NFIC: variants seen among roughly 807,000 people sequenced by gnomAD.
NFIC encodes the protein nuclear factor I C.
In NFIC, 12 loss-of-function variants were observed where a neutral mutation model predicts 54.4. The observed-to-expected ratio is 0.22, with a 90% CI of 0.14 to 0.36. NFIC has a LOEUF of 0.36. Ranked by LOEUF, NFIC falls within the 10% of genes least tolerant of loss-of-function variation. NFIC has a pLI of 1.00. For missense variants in NFIC, 575 were observed against 718.2 expected, an observed-to-expected ratio of 0.80 and a Z score of 2.28; for synonymous variants, 322 against 319.2, an observed-to-expected ratio of 1.01 and a Z score of -0.09.
chr19:3,373,744 C>T (rs1017254410), intron 1 of NFIC, among the ~76,000 whole-genome samples: 23 of 152,076 alleles, frequency 1.5e-4, no homozygotes, highest in Middle Eastern at 6.8e-3. Flanking sequence ...TTTAACCATC[C>T]GTCCCTGCCC....
At chr19:3,435,019 G>C (rs1239389700) in intron 5 of NFIC, 64 bp from the exon 6 acceptor site, 3 of 1,485,066 alleles carry the variant, frequency 2.0e-6, no homozygotes, top group South Asian at 1.3e-5. Context: ...AGCAAAGCCC[G>C]CCGTCGCGCC....
In NFIC at chr19:3,403,393, C is replaced by T. The variant is rs369805949; in HGVS notation, c.562+21150C>T. The stretch of plus-strand genomic sequence containing the variant: ...TCCTCTCTCGGATCTTCCGTTTCCC[C>T]CTTTGTAAAGCAGAACACTCCACAA... On this transcript the variant is annotated intron_variant, in intron 2 of 10. Transcript: ENST00000443272. Among the ~76,000 whole-genome samples the T allele has an allele frequency of 3.3e-5, 5 of 152,314 alleles. No homozygotes were observed. The South Asian group carries it at 1.0e-3, about 32-fold the overall frequency.
rs1016039660 is a variant in NFIC, at chr19:3,380,620, C to T, written c.31-1092C>T. Among the ~76,000 whole-genome samples the T allele has an allele frequency of 7.3e-5, 10 of 137,212 alleles. 1 individual carries two copies. The highest frequency in any genetic ancestry group is 2.2e-4 in the African/African-American group (8 of 35,784). The allele number at this position is 137,212 out of a possible 152,430, so 90.0% of individuals were successfully genotyped here. ...CTGGGATTACAGGTGTGAGCCACTG[C>T]GCCCAGGCTTTTTTTTTTTTTTTTT... On this transcript the variant is annotated intron_variant, in intron 1 of 10. Coordinates refer to ENST00000443272, the MANE Select transcript of NFIC (RefSeq NM_001245002.2).
chr19:3,366,372 T>TAG (rs1300352158), upstream of NFIC, among the ~76,000 whole-genome samples: 8 of 135,104 alleles, frequency 5.9e-5, no homozygotes, highest in Admixed American at 1.5e-4. Context: ...TGTCAGAGGG[T>TAG]AGAGAGAGAG....
chr19:3,428,523 G>A (rs1432801949), intron 3 of NFIC, among the ~76,000 whole-genome samples: 2 of 151,888 alleles, frequency 1.3e-5, no homozygotes, highest in African/African-American at 2.4e-5. Context: ...TGGAAGGACC[G>A]GAACAGGCAT....
intron 2 of NFIC, among the ~76,000 whole-genome samples, chr19:3,384,831 A>C (rs575330622): frequency 3.2e-4 from 49 of 151,670 alleles, no homozygotes; most frequent in African/African-American, 1.1e-3. Flanking sequence ...GGGCCGGGTG[A>C]CTGCCTGTTG....
intron 9 of NFIC, among the ~76,000 whole-genome samples, chr19:3,454,667 C>T (rs1384567894): frequency 2.0e-5 from 3 of 151,664 alleles, no homozygotes; most frequent in Admixed American, 6.6e-5. Context: ...CCTCACAGGG[C>T]GCCAGACATC....
At chr19:3,388,113 G>T (rs920057086) in intron 2 of NFIC, among the ~76,000 whole-genome samples, 1 of 152,166 alleles carries the variant, frequency 6.6e-6, no homozygotes, top group East Asian at 1.9e-4. Context: ...CCCGCCTTGC[G>T]TCGTGCCAAG....
intron 3 of NFIC, among the ~76,000 whole-genome samples, chr19:3,426,723 C>T (rs565415250): frequency 2.6e-5 from 4 of 152,158 alleles, no homozygotes; most frequent in Non-Finnish European, 4.4e-5. Flanking sequence ...CCCAGCCACA[C>T]AGACCTCCTC....
intron 3 of NFIC, among the ~76,000 whole-genome samples, chr19:3,433,188 G>T (rs1211887194): frequency 6.6e-6 from 1 of 151,188 alleles, no homozygotes; most frequent in Non-Finnish European, 1.5e-5. Context: ...TGGTCTTGAA[G>T]TCCTGAGCTC....
At chr19:3,365,532 C>T (rs1398857934), upstream of NFIC, among the ~76,000 whole-genome samples, 2 of 152,154 alleles carry the variant, frequency 1.3e-5, no homozygotes, top group East Asian at 1.9e-4. Context: ...CAGACGGAGG[C>T]AGGCCAGGTC....
At chr19:3,359,681 C>G (rs1193872742) in exon 1 of NFIC, 5 of 1,424,462 alleles carry the variant, frequency 3.5e-6, no homozygotes, top group East Asian at 3.1e-5. Flanking sequence ...CGCAGCAGCG[C>G]CATGGTACGT....
rs2082703543 is a variant in NFIC, at chr19:3,465,375, G to A, written c.*2606G>A. On this transcript the variant is annotated 3_prime_UTR_variant, in exon 11 of 11. Transcript: ENST00000443272. ...TGAAATAAAAAATAAAAATTGAAAA[G>A]GGATGTATTTCTATTTGTAAAAAAA... is the stretch of plus-strand genomic sequence containing the variant. 2.2e-5 allele frequency: 3 copies of A among 134,870 alleles called. No homozygotes were observed. Among genetic ancestry groups the A allele is most frequent in the South Asian group, 2.3e-4 (1 of 4,308 alleles). The allele number at this position is 134,870 out of a possible 1,614,324, so 8.4% of individuals were successfully genotyped here.
intron 2 of NFIC, among the ~76,000 whole-genome samples, chr19:3,388,639 A>G (rs1423171313): frequency 6.6e-6 from 1 of 151,296 alleles, no homozygotes; most frequent in Non-Finnish European, 1.5e-5. Context: ...CCTGGGCAAC[A>G]TAGCACGACC....
At chr19:3,454,254 C>T (rs918261209) in intron 9 of NFIC, 8 of 1,147,004 alleles carry the variant, frequency 7.0e-6, no homozygotes, top group Admixed American at 4.8e-5. Flanking sequence ...CTCACAGTGG[C>T]GGCCCGAGGG....
chr19:3,404,238 C>T (rs1207975033), intron 2 of NFIC, among the ~76,000 whole-genome samples: 1 of 151,638 alleles, frequency 6.6e-6, no homozygotes, highest in Admixed American at 6.6e-5. Flanking sequence ...CAAGAATTTG[C>T]TCCAAATGTA....
At chr19:3,391,030 G>A (rs1475993357) in intron 2 of NFIC, among the ~76,000 whole-genome samples, 3 of 152,112 alleles carry the variant, frequency 2.0e-5, no homozygotes, top group African/African-American at 7.2e-5. Context: ...CAGGAGGATT[G>A]CTTAAGGCCA....
chr19:3,436,309 ATTTTTTTTTTTTTT>A (rs71166903), intron 6 of NFIC, among the ~76,000 whole-genome samples: 1 of 85,486 alleles, frequency 1.2e-5, no homozygotes, highest in Non-Finnish European at 2.4e-5. Flanking sequence ...TGCGCCGTTA[ATTTTTTTTTTTTTT>A]TTTTTTTTTT....
Position 3,459,046 on chromosome 19 carries a change from G to A in NFIC, c.1509+2411G>A, listed in dbSNP as rs1342135219. 2.0e-5 allele frequency among the ~76,000 whole-genome samples: 3 copies of A among 152,046 alleles called. No individual in the cohort carries two copies. Among genetic ancestry groups the A allele is most frequent in the Non-Finnish European group, 4.4e-5 (3 of 67,974 alleles). ...GGGAGGGAAGAAGCAGTGAGATCCCGCTCTCCCCTCTCCCAGCTCCCGCTC... is the reference window on the plus strand; with the variant it reads ...GGGAGGGAAGAAGCAGTGAGATCCCACTCTCCCCTCTCCCAGCTCCCGCTC... On this transcript the variant is annotated intron_variant, in intron 10 of 10. Transcript: ENST00000443272. The surrounding 1 kb of genome is among the most constrained non-coding windows in gnomAD (Gnocchi z 4.2).
Sources: allele counts gnomAD v4.1 joint callset (sites outside exome capture counted in the v4.1 genomes callset), GRCh38; gene constraint gnomAD v4.1.1; non-coding constraint Gnocchi (gnomAD v3.1); transcripts MANE v1.5; gene names NCBI Gene and HGNC (gene_info 2026-07-23, HGNC 2026-07-21).